NEBL: variants seen among roughly 807,000 people sequenced by gnomAD.
The protein encoded by NEBL is nebulette.
A neutral mutation model predicts 140.2 loss-of-function variants in NEBL; 122 were observed. The observed-to-expected ratio is 0.87, with a 90% CI of 0.75 to 1.01. NEBL has a LOEUF of 1.01. NEBL is among the 50% of genes least tolerant of loss of function. NEBL has a pLI of 0.00. For synonymous variants in NEBL, 436 were observed against 398.9 expected, an observed-to-expected ratio of 1.09 and a Z score of -1.11; for missense variants, 1,365 against 1,231.3, an observed-to-expected ratio of 1.11 and a Z score of -1.62.
chr10:20,817,429 C>T (rs1343477417), intron 21 of NEBL, among the ~76,000 whole-genome samples, 171 bp downstream of exon 21: 2 of 152,100 alleles, frequency 1.3e-5, no homozygotes, highest in African/African-American at 4.8e-5. Context: ...TGGGGAACAC[C>T]TGACTGTACC....
chr10:20,985,118 A>G (rs1452396966), intron 3 of NEBL, among the ~76,000 whole-genome samples: 1 of 152,222 alleles, frequency 6.6e-6, no homozygotes, highest in Admixed American at 6.5e-5. Context: ...CAATGTAATA[A>G]TAGACATAAA....
chr10:20,995,529 C>A (rs976863482), intron 3 of NEBL, among the ~76,000 whole-genome samples: 1 of 152,140 alleles, frequency 6.6e-6, no homozygotes, highest in Non-Finnish European at 1.5e-5. Flanking sequence ...CAGCACCGCA[C>A]GCTGAGGAAT....
chr10:21,252,967 T>C (rs1435553503), intron 1 of NEBL, among the ~76,000 whole-genome samples: 2 of 151,004 alleles, frequency 1.3e-5, no homozygotes, highest in African/African-American at 4.9e-5. Flanking sequence ...AAAAAGCAAA[T>C]AAATAAGGCA....
At chr10:21,127,007 C>T (rs1838872344) in intron 2 of NEBL, among the ~76,000 whole-genome samples, 1 of 148,534 alleles carries the variant, frequency 6.7e-6, no homozygotes, top group Non-Finnish European at 1.5e-5. Context: ...ACTCCACTGG[C>T]CAAAGATGGG....
At chr10:21,103,556 C>A (rs899450303) in intron 2 of NEBL, among the ~76,000 whole-genome samples, 1 of 152,102 alleles carries the variant, frequency 6.6e-6, no homozygotes, top group Non-Finnish European at 1.5e-5. Context: ...TCTTAGCCAT[C>A]CTAACAAAAG....
intron 3 of NEBL, among the ~76,000 whole-genome samples, chr10:21,219,586 T>A (rs530150766): frequency 1.3e-5 from 2 of 152,366 alleles, no homozygotes; most frequent in South Asian, 4.1e-4. Context: ...TCCTGGTCTT[T>A]TATGGTTTCA....
At chr10:20,977,181 C>T (rs1836839040) in intron 3 of NEBL, among the ~76,000 whole-genome samples, 1 of 152,108 alleles carries the variant, frequency 6.6e-6, no homozygotes, top group African/African-American at 2.4e-5. Context: ...ATTTCACTGC[C>T]CTTTAGATAG....
chr10:20,966,978 A>T (rs1836342528), intron 3 of NEBL, among the ~76,000 whole-genome samples: 1 of 152,192 alleles, frequency 6.6e-6, no homozygotes, highest in Non-Finnish European at 1.5e-5. Flanking sequence ...TGGTATGTTT[A>T]TGACCATACC....
intron 3 of NEBL, among the ~76,000 whole-genome samples, chr10:21,193,227 C>A (rs1434801019): frequency 6.6e-6 from 1 of 152,140 alleles, no homozygotes; most frequent in Non-Finnish European, 1.5e-5. Context: ...GGGTGAGCAC[C>A]TGGAGACCTG....
chr10:20,864,604 A>G (rs1471136228), intron 7 of NEBL, among the ~76,000 whole-genome samples: 1 of 152,100 alleles, frequency 6.6e-6, no homozygotes, highest in Non-Finnish European at 1.5e-5. Flanking sequence ...CTCTGTTACA[A>G]TGCTTCTGGT....
chr10:20,819,369 T>A, intron 20 of NEBL, 55 bp downstream of exon 20: 1 of 1,611,890 alleles, frequency 6.2e-7, no homozygotes, highest in Non-Finnish European at 8.5e-7. Flanking sequence ...GGCATATTTT[T>A]AAATAAAAAT....
chr10:21,046,006 T>C (rs971292768), intron 2 of NEBL, among the ~76,000 whole-genome samples: 129 of 150,200 alleles, frequency 8.6e-4, no homozygotes, highest in African/African-American at 3.1e-3. Context: ...AAAAATGTGG[T>C]ACACACACAC....
At chr10:21,119,120 C>G (rs771171738) in intron 2 of NEBL, among the ~76,000 whole-genome samples, 2 of 152,156 alleles carry the variant, frequency 1.3e-5, no homozygotes, top group Non-Finnish European at 1.5e-5. Context: ...TCTCACTTTA[C>G]AGTTTATTTT....
chr10:21,139,459 C>T lies in NEBL; in HGVS notation c.164+32924G>A, dbSNP rs531609841. ...AGAGGAAAGAAGAACATAAGGATAT[C>T]AACCCAGGAGACCAAGGTTGAAAAT... On this transcript the variant is annotated intron_variant, in intron 2 of 6. Coordinates refer to the NEBL transcript ENST00000417816. Among the ~76,000 whole-genome samples the T allele has an allele frequency of 3.4e-4, 52 of 152,296 alleles. 1 individual carries two copies. In the South Asian group the frequency reaches 0.01, roughly 30 times the overall value.
At chr10:21,261,313 T>C (rs1009050816) in intron 1 of NEBL, among the ~76,000 whole-genome samples, 6 of 152,156 alleles carry the variant, frequency 3.9e-5, no homozygotes, top group African/African-American at 9.7e-5. Flanking sequence ...CCTTCAATAA[T>C]GGACGCTGAA....
intron 3 of NEBL, among the ~76,000 whole-genome samples, chr10:21,240,626 A>T (rs1335891374): frequency 2.0e-5 from 3 of 152,196 alleles, no homozygotes; most frequent in Admixed American, 6.5e-5. Context: ...CACACACAAA[A>T]AAAAGCCATG....
At chr10:20,940,942 T>C (rs1473598947) in intron 4 of NEBL, among the ~76,000 whole-genome samples, 1 of 152,064 alleles carries the variant, frequency 6.6e-6, no homozygotes, top group Non-Finnish European at 1.5e-5. Context: ...AGGCAATAAT[T>C]AATAGCTTAC....
intron 3 of NEBL, among the ~76,000 whole-genome samples, chr10:20,964,016 T>C (rs1380662014): frequency 6.6e-6 from 1 of 152,170 alleles, no homozygotes; most frequent in Non-Finnish European, 1.5e-5. Context: ...CCTATTTACT[T>C]AGGTCTAATT....
At position 20,858,313 on chromosome 10, in the gene NEBL, T is replaced by C. The variant is rs757014283; in HGVS notation, c.830A>G (p.His277Arg). 1.2e-6 allele frequency: 2 copies of C among 1,609,382 alleles called. No individual in the cohort carries two copies. Among genetic ancestry groups the C allele is most frequent in the South Asian group, 1.1e-5 (1 of 90,978 alleles). The change falls in exon 9 of 28, where the codon CAT becomes CGT. Residue 277 changes from histidine to arginine, a missense_variant. Physicochemically the swap from His to Arg is conservative, Grantham distance 29 (BLOSUM62 0). Transcript: ENST00000377122. ...VKYKKDIQNM[H>R]DPVSDLPNLL... ...ATTTGGGAGATCTGAAACTGGATCA[T>C]GCATATTTTGAATGTCTTTCTTGTA...
Sources: gnomAD v4.1 joint callset for allele counts (sites outside exome capture counted in the v4.1 genomes callset) on GRCh38, gnomAD v4.1.1 for gene constraint, MANE v1.5 for transcripts, NCBI Gene and HGNC (gene_info 2026-07-23, HGNC 2026-07-21) for gene names.